The following INTS9 variants were observed in gnomAD, a reference collection of about 807,000 sequenced individuals.
INTS9 encodes the protein integrator complex subunit 9.
A neutral mutation model predicts 79.7 loss-of-function variants in INTS9; 55 were observed. That is an observed-to-expected ratio of 0.69 (90% confidence interval 0.56 to 0.86). INTS9 has a LOEUF of 0.86. INTS9 is among the 40% of genes least tolerant of loss of function. INTS9 has a pLI of 0.00. For synonymous variants in INTS9, 319 were observed against 325.2 expected, an observed-to-expected ratio of 0.98 and a Z score of 0.20; for missense variants, 721 against 831.5, an observed-to-expected ratio of 0.87 and a Z score of 1.64.
chr8:28,819,589 C>T (rs954257171), intron 6 of INTS9, among the ~76,000 whole-genome samples: 2 of 152,002 alleles, frequency 1.3e-5, no homozygotes, highest in African/African-American at 4.8e-5. Context: ...GGTCAATTTT[C>T]GAATAGGTGT....
chr8:28,831,354 T>C (rs1360513471), intron 6 of INTS9, among the ~76,000 whole-genome samples: 3 of 152,118 alleles, frequency 2.0e-5, no homozygotes, highest in African/African-American at 7.2e-5. Flanking sequence ...CTAATGCATA[T>C]GGGGCTTAAC....
At chr8:28,805,708 ATACT>A (rs1253425370) in intron 8 of INTS9, among the ~76,000 whole-genome samples, 1 of 152,158 alleles carries the variant, frequency 6.6e-6, no homozygotes, top group Non-Finnish European at 1.5e-5. Context: ...AAAGATACAG[ATACT>A]GATAAGTAAG....
Position 28,859,542 on chromosome 8 carries a change from T to C in INTS9, c.31A>G (p.Thr11Ala), listed in dbSNP as rs763221188. The C allele has an allele frequency of 1.2e-5, 19 of 1,614,010 alleles. No homozygotes were observed. The highest frequency in any genetic ancestry group is 1.5e-5 in the Non-Finnish European group (18 of 1,179,994). ...AATTTGAGCACATTGCATGGTAAGG[T>C]TGGGTGCCCTGACAGGCAATACTGA... MKLYCLSGHP[T>A]LPCNVLKFKS... The change falls in exon 2 of 17, where the codon ACC (threonine) becomes GCC (alanine). Residue 11 changes from threonine (T) to alanine (A), a missense_variant. This residue lies in a region of INTS9 where 291 missense variants were observed against 307.0 expected (regional missense o/e 0.95). Transcript: ENST00000521022.
intron 8 of INTS9, among the ~76,000 whole-genome samples, chr8:28,811,664 T>A (rs1284001202): frequency 1.3e-5 from 2 of 152,084 alleles, no homozygotes; most frequent in African/African-American, 4.8e-5. Flanking sequence ...CAAGCAGTTA[T>A]CCCATTTCGG....
Position 28,846,731 on chromosome 8 carries a change from T to C in INTS9, c.261+16A>G, listed in dbSNP as rs774733309. ...AATAAGGTTTGTTTCTACAATAAGA[T>C]TCACCTTAATCTTACCTCTGGTAAA... On this transcript the variant is annotated intron_variant, in intron 4 of 16. Transcript: ENST00000521022. The C allele has an allele frequency of 1.3e-6, 2 of 1,591,468 alleles. No homozygotes were observed. Among genetic ancestry groups the C allele is most frequent in the Non-Finnish European group, 1.7e-6 (2 of 1,159,464 alleles).
chr8:28,790,761 A>T (rs1157770866), intron 10 of INTS9, among the ~76,000 whole-genome samples: 1 of 152,156 alleles, frequency 6.6e-6, no homozygotes, highest in Non-Finnish European at 1.5e-5. Flanking sequence ...TCCTCTCCCC[A>T]GACAATCCCA....
At chr8:28,824,177 C>T (rs1279474260) in intron 6 of INTS9, among the ~76,000 whole-genome samples, 1 of 152,204 alleles carries the variant, frequency 6.6e-6, no homozygotes, top group Non-Finnish European at 1.5e-5. Flanking sequence ...TACAGGGCAA[C>T]AGGATGCCAA....
chr8:28,888,306 C>T (rs569870344), intron 1 of INTS9, among the ~76,000 whole-genome samples: 118 of 152,304 alleles, frequency 7.7e-4, no homozygotes, highest in African/African-American at 2.7e-3. Flanking sequence ...AATTCCAGCA[C>T]TTTGGAAGGT....
At chr8:28,816,279 G>A (rs1466171753) in intron 6 of INTS9, among the ~76,000 whole-genome samples, 4 of 150,380 alleles carry the variant, frequency 2.7e-5, no homozygotes, top group Admixed American at 6.6e-5. Flanking sequence ...CATTAGGTAT[G>A]TCCCCTAAAG....
chr8:28,807,302 A>C (rs1804865942), intron 8 of INTS9, among the ~76,000 whole-genome samples: 1 of 152,192 alleles, frequency 6.6e-6, no homozygotes. Flanking sequence ...CATTTGACCA[A>C]ACTTTCAGGA....
At chr8:28,819,738 A>G (rs1484342528) in intron 6 of INTS9, among the ~76,000 whole-genome samples, 17 of 152,062 alleles carry the variant, frequency 1.1e-4, no homozygotes, top group Non-Finnish European at 2.1e-4. Context: ...GATCTGTCTA[A>G]TGTTGACAGT....
At chr8:28,865,660 C>A (rs1020732461) in intron 1 of INTS9, among the ~76,000 whole-genome samples, 2 of 152,102 alleles carry the variant, frequency 1.3e-5, no homozygotes, top group Non-Finnish European at 2.9e-5. Flanking sequence ...GAGAAATCTG[C>A]TGCCAGTCTA....
At chr8:28,889,805 G>T in intron 1 of INTS9, 69 bp downstream of exon 1, 1 of 1,584,704 alleles carries the variant, frequency 6.3e-7, no homozygotes, top group Non-Finnish European at 8.6e-7. Flanking sequence ...CCTGCCCAAC[G>T]TAGGAAAAAA....
At chr8:28,878,695 G>A (rs574032078) in intron 1 of INTS9, among the ~76,000 whole-genome samples, 2 of 150,384 alleles carry the variant, frequency 1.3e-5, no homozygotes, top group South Asian at 2.1e-4. Context: ...AAAAAATGTT[G>A]GGCCAGGCGC....
Position 28,812,444 on chromosome 8 carries a change from G to A in INTS9, c.627C>T (p.Val209=), listed in dbSNP as rs753685807. The A allele has an allele frequency of 1.2e-6, 2 of 1,613,752 alleles. No individual in the cohort carries two copies. Among genetic ancestry groups the A allele is most frequent in the African/African-American group, 2.7e-5 (2 of 74,908 alleles). The change falls in exon 8 of 17, where the codon GTC becomes GTT. Residue 209 remains valine, a synonymous_variant. Coordinates refer to ENST00000521022, the MANE Select transcript of INTS9 (RefSeq NM_018250.4). ...YSQKIELFGA[V]QVTPLSSGYA... ...AGCCAGAGCTCAGAGGAGTCACCTG[G>A]ACCGCACCAAAAAGCTCCTAAAAGA... is the stretch of plus-strand genomic sequence containing the variant.
At chr8:28,812,541 A>G (rs1490503284) in intron 7 of INTS9, 80 bp from the exon 8 acceptor site, 5 of 1,469,078 alleles carry the variant, frequency 3.4e-6, no homozygotes, top group African/African-American at 1.4e-5. Flanking sequence ...GAAAAACAAC[A>G]GAAATATCCT....
At chr8:28,828,666 G>A (rs1470131045) in intron 6 of INTS9, among the ~76,000 whole-genome samples, 9 of 151,914 alleles carry the variant, frequency 5.9e-5, no homozygotes, top group South Asian at 2.1e-4. Context: ...GCGTCAGAGC[G>A]GAGGAACTTC....
chr8:28,838,431 T>A (rs766508688), intron 4 of INTS9, among the ~76,000 whole-genome samples: 1 of 151,988 alleles, frequency 6.6e-6, no homozygotes, highest in Non-Finnish European at 1.5e-5. Flanking sequence ...CAGGTTAGCA[T>A]GTGAGGGAAA....
At chr8:28,832,688 G>T (rs1806565226) in intron 6 of INTS9, among the ~76,000 whole-genome samples, 1 of 152,230 alleles carries the variant, frequency 6.6e-6, no homozygotes, top group Admixed American at 6.5e-5. Context: ...CACTGCCTGG[G>T]TGTGGTGGCT....
Sources: allele counts gnomAD v4.1 joint callset (sites outside exome capture counted in the v4.1 genomes callset), GRCh38; gene constraint gnomAD v4.1.1; regional missense constraint gnomAD v4.1.1; transcripts MANE v1.5; gene names NCBI Gene and HGNC (gene_info 2026-07-23, HGNC 2026-07-21).